UVRAG: variants seen among roughly 807,000 people sequenced by gnomAD.
The protein encoded by UVRAG is UV radiation resistance-associated gene protein.
A neutral mutation model predicts 78.0 loss-of-function variants in UVRAG; 19 were observed. The observed-to-expected ratio is 0.24, with a 90% CI of 0.17 to 0.36. The LOEUF (loss-of-function observed/expected upper bound fraction) is 0.36, where lower values mean the gene tolerates loss of function less well. UVRAG is among the 10% of genes least tolerant of loss of function. The probability of loss-of-function intolerance (pLI) is 1.00; values close to 1 mark genes in which losing one functional copy is unlikely to be tolerated. For synonymous variants in UVRAG, 323 were observed against 324.6 expected (o/e 1.00, Z 0.05); for missense variants, 740 against 853.8 (o/e 0.87, Z 1.66).
rs531823650 is a variant in UVRAG at position 76,103,060 on chromosome 11, A to C, written c.1306-12864A>C. On this transcript the variant is annotated intron_variant, in intron 13 of 14. Coordinates refer to ENST00000356136, the MANE Select transcript of UVRAG (RefSeq NM_003369.4). ...GCCAGGGGCCACTCTTTGCTACTAGAAGCTATCCACATTTCTTCTTACATG... is the reference window on the plus strand; with the variant it reads ...GCCAGGGGCCACTCTTTGCTACTAGCAGCTATCCACATTTCTTCTTACATG... Among the ~76,000 whole-genome samples the C allele has an allele frequency of 4.6e-5, 7 of 152,242 alleles. No individual in the cohort carries two copies. The South Asian group carries it at 1.4e-3, about 32-fold the overall frequency.
intron 1 of UVRAG, among the ~76,000 whole-genome samples, chr11:75,840,226 A>T (rs1351889486): frequency 6.6e-6 from 1 of 151,658 alleles, no homozygotes. Context: ...ATGTGTACAA[A>T]CTCTAGTTCT....
intron 12 of UVRAG, among the ~76,000 whole-genome samples, chr11:76,048,751 T>G (rs908677931): frequency 1.3e-5 from 2 of 152,256 alleles, no homozygotes; most frequent in Non-Finnish European, 2.9e-5. Flanking sequence ...AACTTATGTG[T>G]GTAATTTTGA....
chr11:75,839,796 T>C (rs1196444103), intron 1 of UVRAG, among the ~76,000 whole-genome samples: 2 of 140,020 alleles, frequency 1.4e-5, no homozygotes, highest in Non-Finnish European at 3.1e-5. Flanking sequence ...ATGCAAGTAG[T>C]GTATGTGTGT....
At chr11:75,825,653 G>A (rs188155937) in intron 1 of UVRAG, among the ~76,000 whole-genome samples, 1 of 152,220 alleles carries the variant, frequency 6.6e-6, no homozygotes, top group African/African-American at 2.4e-5. Context: ...AGCCCTCTGA[G>A]GTGAAGCTAT....
intron 12 of UVRAG, among the ~76,000 whole-genome samples, chr11:76,036,504 C>T (rs776866465): frequency 2.0e-5 from 3 of 151,840 alleles, no homozygotes; most frequent in South Asian, 2.1e-4. Context: ...TGCCACTACC[C>T]GACTTCAACT....
chr11:75,930,040 T>TCAATACTAGTCACAACTAGTATCTCA (rs1334180478), intron 6 of UVRAG, among the ~76,000 whole-genome samples: 2 of 152,236 alleles, frequency 1.3e-5, no homozygotes, highest in Non-Finnish European at 2.9e-5. Context: ...CCTTATCTCC[T>TCAATACTAGTCACAACTAGTATCTCA]CAATACTAGT....
At position 75,910,476 on chromosome 11, in the gene UVRAG, G is replaced by A. The variant is rs1038958294; in HGVS notation, c.508-1478G>A. 1.4e-4 allele frequency among the ~76,000 whole-genome samples: 21 copies of A among 148,948 alleles called. No homozygotes were observed. The East Asian group carries it at 3.8e-3, about 27-fold the overall frequency. Reference sequence around the variant, plus strand: ...CCAGAGTCTTTTTTTCTAAATTACTGTGTACTCTCCCCACCCCCCACTTTT... The same window carrying A: ...CCAGAGTCTTTTTTTCTAAATTACTATGTACTCTCCCCACCCCCCACTTTT... On this transcript the variant is annotated intron_variant, in intron 5 of 14. Coordinates refer to ENST00000356136, the MANE Select transcript of UVRAG (RefSeq NM_003369.4).
Position 75,965,216 on chromosome 11 carries a change from G to A in UVRAG, c.699+3667G>A, listed in dbSNP as rs12576749. The stretch of plus-strand genomic sequence containing the variant: ...TTAACAATAGTGGGTCCTTCAATCC[G>A]TGAACATGGTGTATATCTCTTTTAC... On this transcript the variant is annotated intron_variant, in intron 7 of 14. Transcript: ENST00000356136. Among the ~76,000 whole-genome samples, 2,351 of 152,318 alleles carry A rather than the reference G, an allele frequency of 0.015. 166 individuals carry two copies. In the East Asian group the frequency reaches 0.22, roughly 15 times the overall value.
intron 8 of UVRAG, among the ~76,000 whole-genome samples, chr11:76,000,984 T>C (rs921453750): frequency 2.0e-5 from 3 of 152,234 alleles, no homozygotes; most frequent in Non-Finnish European, 2.9e-5. Flanking sequence ...TTAAAAGACA[T>C]TACTATCAAT....
chr11:75,995,277 T>C (rs988897554), intron 8 of UVRAG, among the ~76,000 whole-genome samples: 8 of 152,048 alleles, frequency 5.3e-5, no homozygotes, highest in African/African-American at 1.9e-4. Flanking sequence ...TAGAATTCTG[T>C]AACTAGCCAT....
chr11:75,893,826 G>GA (rs1031289836), intron 5 of UVRAG, among the ~76,000 whole-genome samples: 1,800 of 135,606 alleles, frequency 0.013, 26 homozygotes, highest in African/African-American at 0.041. Context: ...CTATGTGACA[G>GA]AAAAAAAAAA....
At chr11:76,080,622 T>C (rs1242856577) in intron 13 of UVRAG, among the ~76,000 whole-genome samples, 1 of 152,202 alleles carries the variant, frequency 6.6e-6, no homozygotes, top group Non-Finnish European at 1.5e-5. Flanking sequence ...AGTTTTCTTC[T>C]CTTAATCTAT....
chr11:75,970,924 T>C (rs1373434322), intron 7 of UVRAG, among the ~76,000 whole-genome samples: 1 of 152,134 alleles, frequency 6.6e-6, no homozygotes, highest in East Asian at 1.9e-4. Context: ...GTTATACAGT[T>C]CTATGAGTTT....
Position 75,883,965 on chromosome 11 carries a change from A to C in UVRAG, c.432+3925A>C, listed in dbSNP as rs1270213059. On this transcript the variant is annotated intron_variant, in intron 4 of 14. Coordinates refer to ENST00000356136, the MANE Select transcript of UVRAG (RefSeq NM_003369.4). ...TTTTGGGTAAATCTCCAGGAATGGA[A>C]TTGATGGGTCTAATGGTAAATGTAT... is the stretch of plus-strand genomic sequence containing the variant. Among the ~76,000 whole-genome samples, 3 of 152,212 alleles carry C rather than the reference A, an allele frequency of 2.0e-5. No individual in the cohort carries two copies. In the East Asian group the frequency reaches 5.8e-4, roughly 29 times the overall value.
intron 6 of UVRAG, among the ~76,000 whole-genome samples, chr11:75,959,664 T>C (rs370996497): frequency 2.2e-4 from 33 of 152,376 alleles, no homozygotes; most frequent in African/African-American, 7.7e-4. Context: ...AGTAGCACTT[T>C]TAATTTCCTT....
chr11:75,988,529 T>C (rs887902783), intron 8 of UVRAG, among the ~76,000 whole-genome samples: 6 of 152,262 alleles, frequency 3.9e-5, no homozygotes, highest in Non-Finnish European at 8.8e-5. Flanking sequence ...TGGGTTTGTT[T>C]CCAGTTTTGA....
chr11:76,088,733 T>A (rs567283215), intron 13 of UVRAG, among the ~76,000 whole-genome samples: 1 of 152,312 alleles, frequency 6.6e-6, no homozygotes, highest in South Asian at 2.1e-4. Context: ...AAACTCCCAC[T>A]CATTCTCCAG....
At chr11:75,910,895 T>C (rs1190761423) in intron 5 of UVRAG, among the ~76,000 whole-genome samples, 1 of 152,184 alleles carries the variant, frequency 6.6e-6, no homozygotes, top group Non-Finnish European at 1.5e-5. Context: ...CTTTTCCCCA[T>C]AAAAACATTA....
chr11:75,985,865 G>T (rs1195415409), intron 8 of UVRAG, among the ~76,000 whole-genome samples: 1 of 151,938 alleles, frequency 6.6e-6, no homozygotes, highest in African/African-American at 2.4e-5. Context: ...AGAACCCTCT[G>T]TTCTGTTCTA....
Sources: allele counts gnomAD v4.1 joint callset (sites outside exome capture counted in the v4.1 genomes callset), GRCh38; gene constraint gnomAD v4.1.1; transcripts MANE v1.5; gene names NCBI Gene and HGNC (gene_info 2026-07-23, HGNC 2026-07-21).